PCDHGA3: variants seen among roughly 807,000 people sequenced by gnomAD.
PCDHGA3 encodes the protein protocadherin gamma subfamily A, 3, also known as protocadherin gamma-A3.
Under a neutral mutation model 58.5 loss-of-function variants are expected in PCDHGA3, and 40 were observed. That is an observed-to-expected ratio of 0.68 (90% CI 0.53 to 0.89). PCDHGA3 has a LOEUF of 0.89. Among genes scored for constraint, PCDHGA3 ranks in the 40% least tolerant of loss-of-function variants. The probability of loss-of-function intolerance (pLI) is 0.00; values close to 1 mark genes in which losing one functional copy is unlikely to be tolerated. For missense variants in PCDHGA3, 1,223 were observed against 1,195.9 expected, an observed-to-expected ratio of 1.02 and a Z score of -0.33; for synonymous variants, 530 against 525.7, an observed-to-expected ratio of 1.01 and a Z score of -0.11.
chr5:141,345,503 A>T lies in PCDHGA3; in HGVS notation c.1470A>T (p.Ala490=). 6.2e-7 allele frequency: 1 copy of T among 1,614,120 alleles called. No individual in the cohort carries two copies. The highest frequency in any genetic ancestry group is 8.5e-7 in the Non-Finnish European group (1 of 1,179,998). ...DSNNNARITY[A]LTEDTLQGAP... is the part of the protein sequence containing the mutation. ...ACAACAACGCCCGCATCACTTATGC[A>T]TTGACCGAGGACACTCTCCAGGGGG... The change falls in exon 1 of 4, where the codon GCA becomes GCT. Residue 490 remains alanine (A), a synonymous_variant. Transcript: ENST00000253812.
At chr5:141,376,294 C>A in intron 1 of PCDHGA3, 4 of 1,614,226 alleles carry the variant, frequency 2.5e-6, no homozygotes, top group Non-Finnish European at 3.4e-6. Flanking sequence ...GCATGCCCGG[C>A]TCGCACTTTG....
At chr5:141,422,375 T>G (rs2096644332) in intron 1 of PCDHGA3, 3 of 1,570,696 alleles carry the variant, frequency 1.9e-6, no homozygotes, top group Admixed American at 1.9e-5. Flanking sequence ...AATGGTCAAG[T>G]CTCCTGTTTT....
chr5:141,433,001 G>T, intron 1 of PCDHGA3: 1 of 1,614,156 alleles, frequency 6.2e-7, no homozygotes, highest in African/African-American at 1.3e-5. Flanking sequence ...CGGGGTGCAG[G>T]CTTTCCTGCA....
rs1304750292 is a variant in PCDHGA3 at position 141,383,376 on chromosome 5, T to A, written c.2424+36919T>A. 7 of 1,613,980 alleles carry A rather than the reference T, an allele frequency of 4.3e-6. No homozygotes were observed. Among genetic ancestry groups the A allele is most frequent in the Non-Finnish European group, 5.1e-6 (6 of 1,179,894 alleles). ...GGTTTCCGTTAAGCGAGGCTGGGGA[T>A]CCAGATGTGGGCACGAACTCCCTCC... is the stretch of plus-strand genomic sequence containing the variant. On this transcript the variant is annotated intron_variant, in intron 1 of 3. Coordinates refer to ENST00000253812, the MANE Select transcript of PCDHGA3 (RefSeq NM_018916.4).
chr5:141,492,091 C>G (rs930375969), intron 1 of PCDHGA3, among the ~76,000 whole-genome samples: 5 of 152,242 alleles, frequency 3.3e-5, no homozygotes, highest in Non-Finnish European at 5.9e-5. Flanking sequence ...CACGCTTCGC[C>G]GGTCTGTAGA....
intron 1 of PCDHGA3, chr5:141,350,588 C>T: frequency 6.2e-7 from 1 of 1,613,962 alleles, no homozygotes; most frequent in Non-Finnish European, 8.5e-7. Flanking sequence ...CGCTGAAAAC[C>T]CAATGAATGT....
chr5:141,414,950 T>C (rs1017858929), intron 1 of PCDHGA3: 2 of 1,613,912 alleles, frequency 1.2e-6, no homozygotes, highest in African/African-American at 2.7e-5. Context: ...GGCTACCTGG[T>C]GACCAAGGTG....
At chr5:141,450,810 AT>A (rs755484062) in intron 1 of PCDHGA3, among the ~76,000 whole-genome samples, 1 of 136,728 alleles carries the variant, frequency 7.3e-6, no homozygotes, top group Admixed American at 7.3e-5. Context: ...TTATTTATTT[AT>A]TTAATATTAT....
At chr5:141,364,892 G>A in intron 1 of PCDHGA3, 1 of 1,613,984 alleles carries the variant, frequency 6.2e-7, no homozygotes, top group South Asian at 1.1e-5. Flanking sequence ...CGGAACTGAT[G>A]GACAAAAGTA....
At chr5:141,403,501 G>A in intron 1 of PCDHGA3, 1 of 1,614,048 alleles carries the variant, frequency 6.2e-7, no homozygotes, top group South Asian at 1.1e-5. Context: ...TGAACGTGCA[G>A]ACTGGAGACA....
chr5:141,448,834 A>G (rs910945659), intron 1 of PCDHGA3, among the ~76,000 whole-genome samples: 2 of 151,780 alleles, frequency 1.3e-5, no homozygotes, highest in African/African-American at 4.8e-5. Context: ...AGTCCCAGCT[A>G]CTCTGGAGGC....
rs758139838 is a variant in PCDHGA3, at chr5:141,431,419, G to C, written c.2425-63388G>C. The C allele has an allele frequency of 1.5e-5, 25 of 1,613,700 alleles. No individual in the cohort carries two copies. The highest frequency in any genetic ancestry group is 2.0e-5 in the Non-Finnish European group (24 of 1,180,046). On this transcript the variant is annotated intron_variant, in intron 1 of 3. Coordinates refer to ENST00000253812, the MANE Select transcript of PCDHGA3 (RefSeq NM_018916.4). This position sits in a 1 kb window ranked among gnomAD's most constrained non-coding sequence, Gnocchi z 4.8. ...TTACGGCCTCCGACGGGGGCGACCC[G>C]GTGCGCACAGGCACCGCGCGCATCC... is the stretch of plus-strand genomic sequence containing the variant.
intron 1 of PCDHGA3, chr5:141,351,764 T>C (rs766409465): frequency 1.9e-6 from 3 of 1,613,590 alleles, no homozygotes; most frequent in Admixed American, 1.7e-5. Context: ...GTCCTACGTG[T>C]CCGTGAGCCC....
intron 1 of PCDHGA3, chr5:141,410,167 T>C (rs372848702): frequency 6.2e-7 from 1 of 1,613,652 alleles, no homozygotes; most frequent in African/African-American, 1.3e-5. Context: ...CGCCACTCTC[T>C]GCCACCGCCA....
chr5:141,472,980 C>CAAAAAAAAAAAAAAAAAAGAAAAAAAA (rs60579131), intron 1 of PCDHGA3, among the ~76,000 whole-genome samples: 1 of 86,106 alleles, frequency 1.2e-5, no homozygotes, highest in Non-Finnish European at 2.5e-5. Flanking sequence ...GAGTGAAACT[C>CAAAAAAAAAAAAAAAAAAGAAAAAAAA]AAAAAAAAAA....
chr5:141,413,230 C>T (rs2095618383), intron 1 of PCDHGA3: 4 of 1,613,826 alleles, frequency 2.5e-6, no homozygotes, highest in Non-Finnish European at 3.4e-6. Flanking sequence ...CGGGCTGGTC[C>T]TGCTCTGCCT....
intron 1 of PCDHGA3, chr5:141,350,796 C>G: frequency 1.2e-6 from 2 of 1,613,966 alleles, no homozygotes; most frequent in Middle Eastern, 3.3e-4. Flanking sequence ...TCTCTGTCAA[C>G]GAAGGAAAGT....
chr5:141,353,683 A>G (rs1230591796), intron 1 of PCDHGA3, among the ~76,000 whole-genome samples: 1 of 152,236 alleles, frequency 6.6e-6, no homozygotes, highest in African/African-American at 2.4e-5. Flanking sequence ...TTGGGTTTAT[A>G]AAGCGTTTTC....
At chr5:141,375,833 C>T (rs1269856662) in intron 1 of PCDHGA3, 2 of 1,614,034 alleles carry the variant, frequency 1.2e-6, no homozygotes, top group Non-Finnish European at 1.7e-6. Flanking sequence ...CTCCGCAGAG[C>T]CCGGCTACCT....
Sources: allele counts gnomAD v4.1 joint callset (sites outside exome capture counted in the v4.1 genomes callset), GRCh38; gene constraint gnomAD v4.1.1; non-coding constraint Gnocchi (gnomAD v3.1); transcripts MANE v1.5; gene names NCBI Gene and HGNC (gene_info 2026-07-23, HGNC 2026-07-21).